Variants in ALMS1 observed in about 807,000 individuals in gnomAD.
ALMS1 encodes centrosome-associated protein ALMS1.
In ALMS1, 271 loss-of-function variants were observed where a neutral mutation model predicts 352.2. That is an observed-to-expected ratio of 0.77 (90% CI 0.70 to 0.85). The LOEUF is 0.85. ALMS1 is among the 40% of genes least tolerant of loss of function. The pLI, the probability that ALMS1 is intolerant of heterozygous loss-of-function variation, is 0.00. For missense variants in ALMS1, 5,445 were observed against 4,870.7 expected, an observed-to-expected ratio of 1.12 and a Z score of -3.51; for synonymous variants, 1,865 against 1,761.2, an observed-to-expected ratio of 1.06 and a Z score of -1.48.
At chr2:73,550,756 C>T (rs532920697) in intron 13 of ALMS1, among the ~76,000 whole-genome samples, 36 of 152,152 alleles carry the variant, frequency 2.4e-4, no homozygotes, top group African/African-American at 8.4e-4. Flanking sequence ...TGATTAAATG[C>T]CACATTAGTT....
At position 73,452,042 on chromosome 2, in the gene ALMS1, C is replaced by G. The variant is rs1252756270; in HGVS notation, c.5515C>G (p.Gln1839Glu). ...KILRVPGPAD[Q>E]KTGINILPSN... The stretch of plus-strand genomic sequence containing the variant: ...TTTAAGAGTTCCTGGACCAGCTGAC[C>G]AGAAGACTGGAATAAACATCCTGCC... Residue 1839 changes from glutamine to glutamate, a missense_variant, in exon 8 of 23, where the codon CAG (glutamine) becomes GAG (glutamate). Coordinates refer to ENST00000613296, the MANE Select transcript of ALMS1 (RefSeq NM_001378454.1). 6 of 1,614,058 alleles carry G rather than the reference C, an allele frequency of 3.7e-6. No homozygotes were observed. The highest frequency in any genetic ancestry group is 4.2e-6 in the Non-Finnish European group (5 of 1,179,996).
At chr2:73,483,058 G>A (rs1432640241) in intron 9 of ALMS1, among the ~76,000 whole-genome samples, 1 of 151,206 alleles carries the variant, frequency 6.6e-6, no homozygotes, top group Admixed American at 6.6e-5. Context: ...AGGGTTTTTT[G>A]TGTCTCTATT....
At chr2:73,525,482 G>A (rs574912861) in intron 11 of ALMS1, among the ~76,000 whole-genome samples, 10 of 152,154 alleles carry the variant, frequency 6.6e-5, no homozygotes, top group Non-Finnish European at 1.2e-4. Context: ...ACTGGGGTGA[G>A]ATGGTATCTC....
At chr2:73,591,024 G>A (rs954011419) in intron 16 of ALMS1, among the ~76,000 whole-genome samples, 1 of 151,948 alleles carries the variant, frequency 6.6e-6, no homozygotes, top group African/African-American at 2.4e-5. Context: ...TGCCCAGGCT[G>A]ATCTCAAACT....
chr2:73,515,659 A>G (rs955510470), intron 10 of ALMS1, among the ~76,000 whole-genome samples: 1 of 152,100 alleles, frequency 6.6e-6, no homozygotes, highest in African/African-American at 2.4e-5. Flanking sequence ...ATTCTTCCAA[A>G]GAATAAACAA....
intron 10 of ALMS1, among the ~76,000 whole-genome samples, chr2:73,496,393 C>A (rs1323762900): frequency 6.6e-6 from 1 of 152,162 alleles, no homozygotes; most frequent in East Asian, 1.9e-4. Flanking sequence ...GCATTTGACA[C>A]ATCCATCTTG....
chr2:73,596,521 G>A (rs1675552494), intron 16 of ALMS1, among the ~76,000 whole-genome samples: 1 of 151,068 alleles, frequency 6.6e-6, no homozygotes, highest in East Asian at 1.9e-4. Context: ...ATCAAGGCGG[G>A]AGTGCAGTGG....
At chr2:73,599,972 T>C (rs6732440) in intron 17 of ALMS1, among the ~76,000 whole-genome samples, 1 of 151,994 alleles carries the variant, frequency 6.6e-6, no homozygotes, top group Admixed American at 6.5e-5. Context: ...ATTACATAAA[T>C]TATTGTATGT....
chr2:73,432,084 G>A (rs1397039577), intron 6 of ALMS1, 114 bp from the exon 7 acceptor site: 1 of 760,024 alleles, frequency 1.3e-6, no homozygotes, highest in Admixed American at 2.0e-5. Flanking sequence ...ATTTTTAGCA[G>A]ATGAGGTTTG....
chr2:73,396,579 G>T, intron 1 of ALMS1, among the ~76,000 whole-genome samples: 1 of 111,644 alleles, frequency 9.0e-6, no homozygotes, highest in Non-Finnish European at 1.8e-5. Context: ...TTTGCAGGAT[G>T]GGGCATAGTA....
rs1672951583 is a variant in ALMS1, at chr2:73,490,333, A to C, written c.8374A>C (p.Arg2792=). 3 of 1,612,436 alleles carry C rather than the reference A, an allele frequency of 1.9e-6. No homozygotes were observed. In the East Asian group the frequency reaches 6.7e-5, roughly 36 times the overall value. Residue 2792 remains arginine, a synonymous_variant, in exon 10 of 23, where the codon AGA becomes CGA. Transcript: ENST00000613296. ...DKEVTILAEG[R]RQSQKLPVDF... is the part of the protein sequence containing the mutation. ...AGAAGTGACTATTTTAGCAGAAGGT[A>C]GAAGGCAAAGCCAAAAATTACCTGT...
intron 2 of ALMS1, 39 bp from the exon 3 acceptor site, chr2:73,419,084 G>A (rs773308956): frequency 1.3e-6 from 2 of 1,527,938 alleles, no homozygotes; most frequent in East Asian, 4.5e-5. Flanking sequence ...TGGTAACTCA[G>A]TTAATGACTT....
chr2:73,594,570 C>T (rs1675505624), intron 16 of ALMS1, among the ~76,000 whole-genome samples: 1 of 152,202 alleles, frequency 6.6e-6, no homozygotes, highest in African/African-American at 2.4e-5. Context: ...GCTGCATCTG[C>T]ACCAAATGAC....
At chr2:73,531,841 A>C (rs757052141) in intron 11 of ALMS1, among the ~76,000 whole-genome samples, 3 of 152,248 alleles carry the variant, frequency 2.0e-5, no homozygotes, top group Non-Finnish European at 2.9e-5. Context: ...AAGAGAGCTC[A>C]GGGGAAACTG....
chr2:73,542,655 C>T (rs1412136699), intron 12 of ALMS1, among the ~76,000 whole-genome samples: 3 of 152,194 alleles, frequency 2.0e-5, no homozygotes, highest in Admixed American at 2.0e-4. Flanking sequence ...TGATAAGCAA[C>T]TTCAGCAAAG....
intron 16 of ALMS1, among the ~76,000 whole-genome samples, chr2:73,578,978 C>G (rs1675111834): frequency 6.6e-6 from 1 of 151,236 alleles, no homozygotes; most frequent in African/African-American, 2.4e-5. Context: ...TTGGAGTACT[C>G]TCTTTATCAT....
At chr2:73,531,196 C>T (rs1033490349) in intron 11 of ALMS1, among the ~76,000 whole-genome samples, 1 of 152,194 alleles carries the variant, frequency 6.6e-6, no homozygotes, top group Non-Finnish European at 1.5e-5. Context: ...CCCTGCTTCC[C>T]TTTTAAACAT....
intron 1 of ALMS1, 113 bp from the exon 2 acceptor site, chr2:73,408,509 T>C: frequency 8.3e-7 from 1 of 1,210,374 alleles, no homozygotes; most frequent in Non-Finnish European, 1.2e-6. Flanking sequence ...AAATGTCGTA[T>C]ATGTGAAAGG....
At chr2:73,558,670 C>A (rs964208470) in intron 14 of ALMS1, among the ~76,000 whole-genome samples, 3 of 152,072 alleles carry the variant, frequency 2.0e-5, no homozygotes, top group African/African-American at 7.2e-5. Flanking sequence ...ATGTGTATCC[C>A]ATCTTAGCTC....
Sources: gnomAD v4.1 joint callset for allele counts (sites outside exome capture counted in the v4.1 genomes callset) on GRCh38, gnomAD v4.1.1 for gene constraint, MANE v1.5 for transcripts, NCBI Gene and HGNC (gene_info 2026-07-23, HGNC 2026-07-21) for gene names.